MTFMT: variants seen among roughly 807,000 people sequenced by gnomAD.
MTFMT encodes the protein mitochondrial methionyl-tRNA formyltransferase.
In MTFMT, 47 loss-of-function variants were observed where a neutral mutation model predicts 51.8. That is an observed-to-expected ratio of 0.91 (90% CI 0.72 to 1.16). The LOEUF (loss-of-function observed/expected upper bound fraction) is 1.16, where lower values mean the gene tolerates loss of function less well. Ranked by LOEUF, MTFMT falls within the 50% of genes most tolerant of loss-of-function variation. The pLI is 0.00. For synonymous variants in MTFMT, 196 were observed against 176.7 expected (o/e 1.11, Z -0.87); for missense variants, 512 against 482.3 (o/e 1.06, Z -0.58).
intron 3 of MTFMT, 145 bp from the exon 4 acceptor site, chr15:65,021,761 C>T (rs2086375759): frequency 1.1e-5 from 6 of 525,470 alleles, no homozygotes; most frequent in Admixed American, 3.3e-5. Flanking sequence ...AGCAGGATTG[C>T]TTGATCCCTG....
chr15:65,022,672 A>G (rs1326855985), intron 3 of MTFMT, among the ~76,000 whole-genome samples: 2 of 151,602 alleles, frequency 1.3e-5, no homozygotes, highest in African/African-American at 2.4e-5. Flanking sequence ...CGGAGTGAAC[A>G]GTCTAATGAA....
chr15:65,004,032 T>C (rs1311229686), intron 8 of MTFMT, among the ~76,000 whole-genome samples: 2 of 151,884 alleles, frequency 1.3e-5, no homozygotes, highest in African/African-American at 4.8e-5. Context: ...CTTTTTTTTT[T>C]TGAGATGGAG....
chr15:65,022,315 T>A (rs1335100568), intron 3 of MTFMT, among the ~76,000 whole-genome samples: 1 of 152,080 alleles, frequency 6.6e-6, no homozygotes, highest in Non-Finnish European at 1.5e-5. Context: ...TAGCCGGGCA[T>A]GGTAGCGTGT....
chr15:65,007,750 C>T (rs1337886779), intron 6 of MTFMT, among the ~76,000 whole-genome samples: 1 of 152,140 alleles, frequency 6.6e-6, no homozygotes, highest in Non-Finnish European at 1.5e-5. Flanking sequence ...TGTAACCTGC[C>T]TATTTATGCC....
Position 65,006,116 on chromosome 15 carries a change from C to G in MTFMT, c.889G>C (p.Ala297Pro). The G allele has an allele frequency of 6.2e-7, 1 of 1,611,638 alleles. No homozygotes were observed. The highest frequency in any genetic ancestry group is 8.5e-7 in the Non-Finnish European group (1 of 1,178,340). Residue 297 changes from alanine to proline, a missense_variant, in exon 7 of 9, where the codon GCT becomes CCT. Physicochemically the swap from Ala to Pro is conservative, Grantham distance 27. Transcript: ENST00000220058. ...DLVEVNSSVL[A>P]DPKLTGQALI... ...TTAGCTATTCAAAAGTTAGTACCAG[C>G]AAGGACTGAACTGTTAACTTCTACC...
intron 6 of MTFMT, among the ~76,000 whole-genome samples, chr15:65,012,985 A>G (rs764302637): frequency 6.6e-6 from 1 of 152,092 alleles, no homozygotes; most frequent in Non-Finnish European, 1.5e-5. Context: ...CAATCAATGA[A>G]TACTGGGGTC....
intron 6 of MTFMT, among the ~76,000 whole-genome samples, chr15:65,010,975 G>T (rs1425280904): frequency 6.6e-6 from 1 of 152,152 alleles, no homozygotes; most frequent in Non-Finnish European, 1.5e-5. Context: ...AGATGAAGTT[G>T]CTGATCTTTT....
chr15:65,025,230 T>TAA lies in MTFMT; in HGVS notation c.420-1438_420-1437dup, dbSNP rs776662139. Among the ~76,000 whole-genome samples the TAA allele has an allele frequency of 4.7e-3, 430 of 92,412 alleles. 6 individuals carry two copies. The highest frequency in any genetic ancestry group is 6.6e-3 in the Non-Finnish European group (317 of 48,194). 60.6% of individuals were successfully genotyped at this position (92,412 alleles called of 152,430 possible). The stretch of plus-strand genomic sequence containing the variant: ...GGCCACATAGCGAGATCCCTGTCTC[T>TAA]AAAAAAAAAAAAAAAAAAAAAAGAG... On this transcript the variant is annotated intron_variant, in intron 2 of 8. Transcript: ENST00000220058.
intron 6 of MTFMT, among the ~76,000 whole-genome samples, chr15:65,013,231 C>T (rs1350689773): frequency 6.6e-6 from 1 of 151,516 alleles, no homozygotes; most frequent in African/African-American, 2.4e-5. Context: ...TCTTTATCTT[C>T]TTTGTGATCT....
Position 65,023,839 on chromosome 15 carries a change from A to G in MTFMT, c.420-45T>C, listed in dbSNP as rs763763630. 4 of 1,541,710 alleles carry G rather than the reference A, an allele frequency of 2.6e-6. No homozygotes were observed. In the South Asian group the frequency reaches 5.0e-5, roughly 19 times the overall value. ...AATTAGTATGTCAGTGGGCTTTACC[A>G]CTTCGTTACCACTACCTAAGCTATT... is the stretch of plus-strand genomic sequence containing the variant. On this transcript the variant is annotated intron_variant, in intron 2 of 8. Transcript: ENST00000220058.
In MTFMT at chr15:65,006,013, A is replaced by G. The variant is rs976645122; in HGVS notation, c.892+100T>C. The G allele has an allele frequency of 5.1e-6, 4 of 778,684 alleles. No homozygotes were observed. In the East Asian group the frequency reaches 8.0e-5, roughly 16 times the overall value. The allele number at this position is 778,684 out of a possible 1,614,324, so 48.2% of individuals were successfully genotyped here. On this transcript the variant is annotated intron_variant, in intron 7 of 8. Transcript: ENST00000220058. ...ATAATTACTGAACTGAAACAAACTAAAAGTTATTTTTAGTAATTGTGACAT... is the reference window on the plus strand; with the variant it reads ...ATAATTACTGAACTGAAACAAACTAGAAGTTATTTTTAGTAATTGTGACAT...
intron 3 of MTFMT, 112 bp from the exon 4 acceptor site, chr15:65,021,728 C>T: frequency 1.3e-6 from 1 of 741,732 alleles, no homozygotes; most frequent in Non-Finnish European, 2.1e-6. Context: ...GCCTATAGTC[C>T]TAGTTGCTCA....
chr15:65,016,817 G>A (rs1399584075), intron 5 of MTFMT, among the ~76,000 whole-genome samples: 1 of 144,312 alleles, frequency 6.9e-6, no homozygotes, highest in Non-Finnish European at 1.5e-5. Flanking sequence ...GTCTTGCCCT[G>A]TCACCCAGGC....
At position 65,026,906 on chromosome 15, in the gene MTFMT, G is replaced by T. The variant is rs1452475891; in HGVS notation, c.344C>A (p.Ser115Tyr). The T allele has an allele frequency of 3.1e-6, 5 of 1,613,858 alleles. No individual in the cohort carries two copies. Among genetic ancestry groups the T allele is most frequent in the Non-Finnish European group, 4.2e-6 (5 of 1,179,904 alleles). Residue 115 changes from serine to tyrosine, a missense_variant, in exon 2 of 9, where the codon TCT becomes TAT. Transcript: ENST00000220058. ...LPVYEWPDVGSGEYDVGVVAS... is the reference protein window; with the variant it reads ...LPVYEWPDVGYGEYDVGVVAS... ...CACTACTCCAACATCATATTCTCCA[G>T]ATCCCACATCCGGCCACTCATATAC...
chr15:65,014,322 A>ATT lies in MTFMT; in HGVS notation c.813+2112_813+2113dup, dbSNP rs35599676. ...ATCAAGGAATTTATCACACTATTTG[A>ATT]TTTTTTTTTTTTTTTTTTTGAGATG... is the stretch of plus-strand genomic sequence containing the variant. On this transcript the variant is annotated intron_variant, in intron 6 of 8. Transcript: ENST00000220058. Among the ~76,000 whole-genome samples, 765 of 123,072 alleles carry ATT rather than the reference A, an allele frequency of 6.2e-3. 13 individuals are homozygous for ATT. Among genetic ancestry groups the ATT allele is most frequent in the African/African-American group, 0.01 (337 of 33,492 alleles). The allele number at this position is 123,072 out of a possible 152,430, so 80.7% of individuals were successfully genotyped here. A position where few individuals can be genotyped will look rare whatever the true frequency, so the allele number is the denominator to read the frequency against.
At chr15:65,024,102 G>A (rs1030814957) in intron 2 of MTFMT, among the ~76,000 whole-genome samples, 8 of 152,222 alleles carry the variant, frequency 5.3e-5, no homozygotes, top group East Asian at 1.9e-4. Flanking sequence ...CGAGGCGGGC[G>A]GATCACTTGA....
At chr15:65,024,920 T>C (rs2086408719) in intron 2 of MTFMT, among the ~76,000 whole-genome samples, 1 of 152,052 alleles carries the variant, frequency 6.6e-6, no homozygotes, top group East Asian at 1.9e-4. Context: ...ACTACGCATA[T>C]ATATGGGAGA....
In MTFMT at chr15:65,008,571, T is replaced by C. The variant is rs913884728; in HGVS notation, c.814-2380A>G. On this transcript the variant is annotated intron_variant, in intron 6 of 8. Transcript: ENST00000220058. ...TAGTAGCAAAGCCAGGACTGGCTTC[T>C]GTTTTCTGATTCTCAGTGCAGTGCT... is the stretch of plus-strand genomic sequence containing the variant. Among the ~76,000 whole-genome samples, 3 of 152,252 alleles carry C rather than the reference T, an allele frequency of 2.0e-5. No individual in the cohort carries two copies. The South Asian group carries it at 6.2e-4, about 31-fold the overall frequency.
In MTFMT at chr15:65,016,782, CT is replaced by C. The variant is rs35437034; in HGVS notation, c.722-256del. Among the ~76,000 whole-genome samples, 47,132 of 141,436 alleles carry C rather than the reference CT, an allele frequency of 0.33. 8,526 individuals are homozygous for C. Among genetic ancestry groups the C allele is most frequent in the South Asian group, 0.48 (2,135 of 4,414 alleles). The allele number at this position is 141,436 out of a possible 152,430, so 92.8% of individuals were successfully genotyped here. On this transcript the variant is annotated intron_variant, in intron 5 of 8. Coordinates refer to ENST00000220058, the MANE Select transcript of MTFMT (RefSeq NM_139242.4). ...TAACTATGAAATGAGACTATTCAAACTTTTTTTTTTTTTTTTGAGATAGGGT... is the reference window on the plus strand; with the variant it reads ...TAACTATGAAATGAGACTATTCAAACTTTTTTTTTTTTTTTGAGATAGGGT...
Sources: allele counts gnomAD v4.1 joint callset (sites outside exome capture counted in the v4.1 genomes callset), GRCh38; gene constraint gnomAD v4.1.1; transcripts MANE v1.5; gene names NCBI Gene and HGNC (gene_info 2026-07-23, HGNC 2026-07-21).